SRD5A2: variants seen among roughly 807,000 people sequenced by gnomAD.
SRD5A2 encodes steroid 5 alpha-reductase 2.
In SRD5A2, 30 loss-of-function variants were observed where a neutral mutation model predicts 27.4. The observed-to-expected ratio is 1.10, with a 90% CI of 0.82 to 1.49. The LOEUF (loss-of-function observed/expected upper bound fraction) is 1.49, where lower values mean the gene tolerates loss of function less well. SRD5A2 is among the 40% of genes most tolerant of loss of function. The pLI, the probability that SRD5A2 is intolerant of heterozygous loss-of-function variation, is 0.00. For synonymous variants in SRD5A2, 141 were observed against 133.6 expected, an observed-to-expected ratio of 1.06 and a Z score of -0.38; for missense variants, 348 against 323.4, an observed-to-expected ratio of 1.08 and a Z score of -0.58.
the SRD5A2 span, among the ~76,000 whole-genome samples, chr2:31,600,037 T>C: frequency 6.6e-6 from 1 of 152,014 alleles, no homozygotes; most frequent in African/African-American, 2.4e-5. Flanking sequence ...TATGTGTTCA[T>C]GTGTTCTCAT....
the SRD5A2 span, among the ~76,000 whole-genome samples, chr2:31,596,730 C>T: frequency 6.6e-6 from 1 of 152,040 alleles, no homozygotes; most frequent in African/African-American, 2.4e-5. Context: ...AAGAACATAA[C>T]CCCTTTCAGA....
rs955059202 is a variant in SRD5A2 at position 31,580,554 on chromosome 2, T to G, written c.281+66A>C. ...GCGTTCCTCGGTGCGCGCTCCACGC[T>G]GCGCTCCTGGACGCCGGGAGCAGGG... On this transcript the variant is annotated intron_variant, in intron 1 of 4. Transcript: ENST00000622030. 2.6e-5 allele frequency: 37 copies of G among 1,423,832 alleles called. No homozygotes were observed. The African/African-American group carries it at 4.5e-4, about 17-fold the overall frequency. The allele number at this position is 1,423,832 out of a possible 1,614,324, so 88.2% of individuals were successfully genotyped here.
At chr2:31,645,915 C>A in the SRD5A2 span, among the ~76,000 whole-genome samples, 3 of 152,244 alleles carry the variant, frequency 2.0e-5, no homozygotes, top group East Asian at 5.8e-4. Flanking sequence ...AGGTGCCCTT[C>A]TTTACCATGG....
the SRD5A2 span, among the ~76,000 whole-genome samples, chr2:31,625,038 T>C: frequency 6.6e-6 from 1 of 152,218 alleles, no homozygotes; most frequent in Non-Finnish European, 1.5e-5. Flanking sequence ...TCTGACTTTT[T>C]AATGATTGCC....
In SRD5A2 at chr2:31,566,457, CA is replaced by C. The variant is rs28383009; in HGVS notation, c.281+14162del. ...TCAATACAATTTCTAAAGCTCTAGT[CA>C]AAAAGATCTGGAAAAAAAGTGGAAA... On this transcript the variant is annotated intron_variant, in intron 1 of 4. Coordinates refer to ENST00000622030, the MANE Select transcript of SRD5A2 (RefSeq NM_000348.4). Among the ~76,000 whole-genome samples, 325 of 152,076 alleles carry C rather than the reference CA, an allele frequency of 2.1e-3. 2 individuals are homozygous for C. The highest frequency in any genetic ancestry group is 3.4e-3 in the Middle Eastern group (1 of 294).
the SRD5A2 span, among the ~76,000 whole-genome samples, chr2:31,647,438 C>T: frequency 1.3e-5 from 2 of 152,240 alleles, no homozygotes; most frequent in African/African-American, 2.4e-5. Flanking sequence ...GGCATTCCCC[C>T]GTTTTACCTT....
At chr2:31,540,844 A>G (rs1666115059) in intron 1 of SRD5A2, among the ~76,000 whole-genome samples, 1 of 152,218 alleles carries the variant, frequency 6.6e-6, no homozygotes, top group African/African-American at 2.4e-5. Context: ...GAGCCAGGAT[A>G]AGCAAAATGG....
At chr2:31,594,148 A>T in the SRD5A2 span, among the ~76,000 whole-genome samples, 1 of 152,186 alleles carries the variant, frequency 6.6e-6, no homozygotes, top group Non-Finnish European at 1.5e-5. Context: ...GAAAAATAAA[A>T]AAGATATTCA....
At chr2:31,619,284 T>A in the SRD5A2 span, among the ~76,000 whole-genome samples, 1 of 152,122 alleles carries the variant, frequency 6.6e-6, no homozygotes. Context: ...AGTTACCACA[T>A]GACCGAGTAA....
intron 3 of SRD5A2, among the ~76,000 whole-genome samples, chr2:31,529,765 T>A (rs1665864812): frequency 1.3e-5 from 2 of 151,936 alleles, no homozygotes; most frequent in Non-Finnish European, 2.9e-5. Context: ...GTGTAGGAGG[T>A]CTGGTTTTTG....
the SRD5A2 span, among the ~76,000 whole-genome samples, chr2:31,586,024 G>A: frequency 2.0e-5 from 3 of 151,986 alleles, no homozygotes; most frequent in Non-Finnish European, 4.4e-5. Context: ...CAGTGTTTTT[G>A]TTTATTCATT....
At chr2:31,568,145 T>C (rs748848218) in intron 1 of SRD5A2, among the ~76,000 whole-genome samples, 1 of 152,176 alleles carries the variant, frequency 6.6e-6, no homozygotes, top group Non-Finnish European at 1.5e-5. Context: ...AGCTTGGAGA[T>C]GCCAGGAACC....
chr2:31,646,876 G>A, the SRD5A2 span, among the ~76,000 whole-genome samples: 2 of 152,212 alleles, frequency 1.3e-5, no homozygotes, highest in African/African-American at 4.8e-5. Flanking sequence ...GCCAGGTGCA[G>A]TGGCTCAGGC....
the SRD5A2 span, among the ~76,000 whole-genome samples, chr2:31,600,380 T>G: frequency 4.0e-4 from 61 of 152,064 alleles, no homozygotes; most frequent in Non-Finnish European, 7.9e-4. Context: ...CAAATGGTAT[T>G]TTGGTTTCAC....
the SRD5A2 span, among the ~76,000 whole-genome samples, chr2:31,590,386 C>T: frequency 6.6e-6 from 1 of 152,200 alleles, no homozygotes; most frequent in African/African-American, 2.4e-5. Context: ...TTGAAGAGAT[C>T]CTTCACGTCC....
the SRD5A2 span, among the ~76,000 whole-genome samples, chr2:31,626,392 A>C: frequency 6.6e-6 from 1 of 152,112 alleles, no homozygotes; most frequent in Non-Finnish European, 1.5e-5. Context: ...TTCCAATACT[A>C]TGTTGAATGG....
chr2:31,542,463 C>G (rs953960452), intron 1 of SRD5A2, among the ~76,000 whole-genome samples: 2 of 152,092 alleles, frequency 1.3e-5, no homozygotes, highest in African/African-American at 4.8e-5. Context: ...AGTGAGCTAA[C>G]TGAACCATGT....
At chr2:31,541,592 C>G (rs1355412308) in intron 1 of SRD5A2, among the ~76,000 whole-genome samples, 1 of 151,924 alleles carries the variant, frequency 6.6e-6, no homozygotes, top group Admixed American at 6.6e-5. Flanking sequence ...TCTACACACA[C>G]AAAAAGCACC....
the SRD5A2 span, among the ~76,000 whole-genome samples, chr2:31,604,837 G>A: frequency 6.6e-6 from 1 of 151,554 alleles, no homozygotes; most frequent in Non-Finnish European, 1.5e-5. Flanking sequence ...AGAAGACCCA[G>A]AATAGCCAAA....
Sources: allele counts gnomAD v4.1 joint callset (sites outside exome capture counted in the v4.1 genomes callset), GRCh38; gene constraint gnomAD v4.1.1; transcripts MANE v1.5; gene names NCBI Gene and HGNC (gene_info 2026-07-23, HGNC 2026-07-21).